The following CAMK1 variants were observed in gnomAD, a reference collection of about 807,000 sequenced individuals.
CAMK1 encodes the protein calcium/calmodulin dependent protein kinase I.
CAMK1 carries 39 observed loss-of-function variants against 49.1 expected under a neutral mutation model. The observed-to-expected ratio is 0.79, with a 90% confidence interval of 0.62 to 1.04. The LOEUF is 1.04. Ranked by LOEUF, CAMK1 falls within the 50% of genes least tolerant of loss-of-function variation. The probability of loss-of-function intolerance (pLI) is 0.00; values close to 1 mark genes in which losing one functional copy is unlikely to be tolerated. For missense variants in CAMK1, 457 were observed against 472.2 expected (o/e 0.97, Z 0.30); for synonymous variants, 192 against 185.2 (o/e 1.04, Z -0.30).
chr3:9,760,587 C>CCG, intron 8 of CAMK1, 69 bp downstream of exon 8: 3 of 1,530,654 alleles, frequency 2.0e-6, no homozygotes, highest in Non-Finnish European at 2.7e-6. Flanking sequence ...AGGAGGGAGA[C>CCG]CGCCCCCAAA....
chr3:9,757,443 G>A lies in CAMK1; in HGVS notation c.*96C>T. The A allele has an allele frequency of 6.2e-7, 1 of 1,605,668 alleles. No homozygotes were observed. Among genetic ancestry groups the A allele is most frequent in the South Asian group, 1.1e-5 (1 of 90,302 alleles). On this transcript the variant is annotated 3_prime_UTR_variant, in exon 12 of 12. Coordinates refer to ENST00000256460, the MANE Select transcript of CAMK1 (RefSeq NM_003656.5). This position sits in a 1 kb window ranked among gnomAD's most constrained non-coding sequence, Gnocchi z 4.5. ...AGTGGTAGGGAAGCAGGTGAGGAGG[G>A]GACAGGGCAGAGAAACTCCCGGTTC...
At chr3:9,769,638 T>G (rs1001226359) in intron 1 of CAMK1, among the ~76,000 whole-genome samples, 194 bp downstream of exon 1, 8 of 152,128 alleles carry the variant, frequency 5.3e-5, no homozygotes, top group Non-Finnish European at 8.8e-5. Context: ...ACCCACTCAG[T>G]GTCCCATAGG....
At chr3:9,759,122 G>A (rs1159906294) in intron 10 of CAMK1, 8 of 1,330,944 alleles carry the variant, frequency 6.0e-6, no homozygotes, top group Non-Finnish European at 8.7e-6. Context: ...CTTAGCACTT[G>A]CACTTCCCGG....
chr3:9,759,130 C>T (rs1336542239), intron 10 of CAMK1: 11 of 1,408,694 alleles, frequency 7.8e-6, no homozygotes, highest in East Asian at 4.6e-5. Flanking sequence ...TTGCACTTCC[C>T]GGAATGGCTA....
chr3:9,761,923 TC>T, intron 5 of CAMK1, 166 bp from the exon 6 acceptor site: 1 of 1,025,962 alleles, frequency 9.7e-7, no homozygotes, highest in Non-Finnish European at 1.4e-6. Flanking sequence ...GGCCAAAAAT[TC>T]CAGGAAGGAC....
At chr3:9,760,411 G>T (rs1010118236) in intron 8 of CAMK1, 1 of 444,434 alleles carries the variant, frequency 2.3e-6, no homozygotes, top group African/African-American at 2.0e-5. Context: ...TAGGGGAGAG[G>T]TATTTTCAAA....
Position 9,761,964 on chromosome 3 carries a change from T to G in CAMK1, c.430-207A>C, listed in dbSNP as rs934347724. 1.3e-5 allele frequency: 8 copies of G among 622,318 alleles called. No homozygotes were observed. In the African/African-American group the frequency reaches 1.5e-4, roughly 12 times the overall value. The allele number at this position is 622,318 out of a possible 1,614,324, so 38.5% of individuals were successfully genotyped here. A position where few individuals can be genotyped will look rare whatever the true frequency, so the allele number is the denominator to read the frequency against. ...CTCAAGAGGGTGTGGGGGGGAACTG[T>G]CTCTAAACCTCAGGTGTGCACTGTA... On this transcript the variant is annotated intron_variant, in intron 5 of 11. Coordinates refer to ENST00000256460, the MANE Select transcript of CAMK1 (RefSeq NM_003656.5).
rs79547802 is a variant in CAMK1, at chr3:9,762,903, T to G, written c.429+11A>C. ...GGGTACCCTAGCTCACCACACCCCC[T>G]TGAGCCCCACCTTGAGATCCCGGTG... On this transcript the variant is annotated intron_variant, in intron 5 of 11. Transcript: ENST00000256460. The G allele has an allele frequency of 6.2e-7, 1 of 1,613,946 alleles. No homozygotes were observed. Among genetic ancestry groups the G allele is most frequent in the Non-Finnish European group, 8.5e-7 (1 of 1,179,918 alleles).
intron 3 of CAMK1, among the ~76,000 whole-genome samples, chr3:9,764,048 A>C (rs1276297053): frequency 1.3e-5 from 2 of 152,338 alleles, no homozygotes; most frequent in East Asian, 3.9e-4. Context: ...CCCACCAGAC[A>C]TAAGCTCCCC....
intron 10 of CAMK1, 171 bp downstream of exon 10, chr3:9,759,317 G>A: frequency 6.4e-7 from 1 of 1,572,040 alleles, no homozygotes; most frequent in Non-Finnish European, 8.8e-7. Flanking sequence ...TAGAGAAGGT[G>A]TTGGGAGTGT....
Position 9,760,652 on chromosome 3 carries a change from A to C in CAMK1, c.745+4T>G, listed in dbSNP as rs377198670. ...CCAGGGGAAAAAAGCAAAGCCCCAA[A>C]TACCAGAGTCAGAGATGTCGTCCCA... On this transcript the variant is annotated splice_donor_region_variant and intron_variant, in intron 8 of 11. Coordinates refer to ENST00000256460, the MANE Select transcript of CAMK1 (RefSeq NM_003656.5). The C allele has an allele frequency of 6.2e-7, 1 of 1,613,866 alleles. No homozygotes were observed. The highest frequency in any genetic ancestry group is 1.1e-5 in the South Asian group (1 of 91,070).
chr3:9,764,292 TG>T (rs2078033082), intron 3 of CAMK1, among the ~76,000 whole-genome samples: 1 of 152,154 alleles, frequency 6.6e-6, no homozygotes, highest in Non-Finnish European at 1.5e-5. Context: ...TAATGGTAAT[TG>T]ATTTTTTTTT....
chr3:9,760,937 T>C lies in CAMK1; in HGVS notation c.633-169A>G, dbSNP rs1219595102. 9 of 1,041,632 alleles carry C rather than the reference T, an allele frequency of 8.6e-6. No homozygotes were observed. In the African/African-American group the frequency reaches 1.3e-4, roughly 15 times the overall value. The allele number at this position is 1,041,632 out of a possible 1,614,324, so 64.5% of individuals were successfully genotyped here. The stretch of plus-strand genomic sequence containing the variant: ...CCTGTTCTAGCTACATTATCCTTTC[T>C]GTTCCTTGTATGTGCCGCCATCTTG... On this transcript the variant is annotated intron_variant, in intron 7 of 11. Coordinates refer to ENST00000256460, the MANE Select transcript of CAMK1 (RefSeq NM_003656.5).
At chr3:9,763,918 G>A (rs1217099457) in intron 3 of CAMK1, among the ~76,000 whole-genome samples, 3 of 152,066 alleles carry the variant, frequency 2.0e-5, no homozygotes, top group Admixed American at 1.3e-4. Flanking sequence ...CCTGGGAAAC[G>A]GAGGTTGCAG....
intron 2 of CAMK1, 24 bp from the exon 3 acceptor site, chr3:9,765,914 G>C: frequency 6.2e-7 from 1 of 1,613,926 alleles, no homozygotes; most frequent in Non-Finnish European, 8.5e-7. Context: ...GGATTCACAA[G>C]GTGAAGAACT....
At chr3:9,765,000 G>C (rs1362729627) in intron 3 of CAMK1, among the ~76,000 whole-genome samples, 2 of 151,952 alleles carry the variant, frequency 1.3e-5, no homozygotes, top group Non-Finnish European at 2.9e-5. Flanking sequence ...GCCGAGGCGG[G>C]TGGATCACCT....
At chr3:9,760,583 G>C in intron 8 of CAMK1, 73 bp downstream of exon 8, 1 of 1,512,266 alleles carries the variant, frequency 6.6e-7, no homozygotes. Context: ...AGGCAGGAGG[G>C]AGACCGCCCC....
At chr3:9,767,587 G>A (rs2078188968) in intron 2 of CAMK1, 80 bp downstream of exon 2, 2 of 1,562,028 alleles carry the variant, frequency 1.3e-6, no homozygotes, top group Non-Finnish European at 8.8e-7. Context: ...GAAACAGGAA[G>A]CATTAATTGA....
chr3:9,762,698 ATGT>A (rs2077941861), intron 5 of CAMK1, among the ~76,000 whole-genome samples: 1 of 152,036 alleles, frequency 6.6e-6, no homozygotes, highest in African/African-American at 2.4e-5. Flanking sequence ...AAAAGACAAA[ATGT>A]TGTTTGGATA....
Sources: gnomAD v4.1 joint callset for allele counts (sites outside exome capture counted in the v4.1 genomes callset) on GRCh38, gnomAD v4.1.1 for gene constraint, Gnocchi (gnomAD v3.1) non-coding constraint, MANE v1.5 for transcripts, NCBI Gene and HGNC (gene_info 2026-07-23, HGNC 2026-07-21) for gene names.